The following PGM5 variants were observed in gnomAD, a reference collection of about 807,000 sequenced individuals.
PGM5 encodes the protein phosphoglucomutase-like protein 5.
PGM5 carries 23 observed loss-of-function variants against 59.2 expected under a neutral mutation model. That is an observed-to-expected ratio of 0.39 (90% CI 0.28 to 0.55). PGM5 has a LOEUF of 0.55. Among genes scored for constraint, PGM5 ranks in the 20% least tolerant of loss-of-function variants. PGM5 has a pLI of 0.66. For synonymous variants in PGM5, 214 were observed against 286.0 expected (o/e 0.75, Z 2.54); for missense variants, 574 against 748.3 (o/e 0.77, Z 2.72).
At chr9:68,499,084 C>T (rs1824527866) in intron 9 of PGM5, 143 bp from the exon 10 acceptor site, 2 of 827,222 alleles carry the variant, frequency 2.4e-6, no homozygotes, top group Non-Finnish European at 3.9e-6. Context: ...CATTACATGC[C>T]CTGTATCCAG....
chr9:68,422,456 TG>T (rs1202238244), intron 6 of PGM5, among the ~76,000 whole-genome samples: 1 of 150,246 alleles, frequency 6.7e-6, no homozygotes, highest in African/African-American at 2.5e-5. Flanking sequence ...TTTTTTGTTT[TG>T]TTTTGTTTTT....
Position 68,419,687 on chromosome 9 carries a change from GC to G in PGM5, c.1043+27219del, listed in dbSNP as rs536458618. 7.9e-5 allele frequency among the ~76,000 whole-genome samples: 12 copies of G among 152,286 alleles called. No homozygotes were observed. In the South Asian group the frequency reaches 2.5e-3, roughly 32 times the overall value. ...TGCTGTCTTTACTTAGCATTTAAAT[GC>G]CCCCAGTCTGGCAATGTCAGTTATC... On this transcript the variant is annotated intron_variant, in intron 6 of 10. Transcript: ENST00000396396.
intron 1 of PGM5, among the ~76,000 whole-genome samples, chr9:68,358,992 T>C (rs868930416): frequency 6.6e-6 from 1 of 152,192 alleles, no homozygotes; most frequent in African/African-American, 2.4e-5. Flanking sequence ...TGATGGAGAA[T>C]AACGAGCCTT....
Position 68,374,683 on chromosome 9 carries a change from A to G in PGM5, c.262-3516A>G, listed in dbSNP as rs571141793. Reference sequence around the variant, plus strand: ...TGATCCTCCTCTTTCCGCTCCTGCCACTCTTCAAGGTATTTTTTCCAGAGC... The same window carrying G: ...TGATCCTCCTCTTTCCGCTCCTGCCGCTCTTCAAGGTATTTTTTCCAGAGC... On this transcript the variant is annotated intron_variant, in intron 1 of 10. Coordinates refer to ENST00000396396, the MANE Select transcript of PGM5 (RefSeq NM_021965.4). 9.6e-3 allele frequency among the ~76,000 whole-genome samples: 1,439 copies of G among 150,574 alleles called. 11 individuals are homozygous for G. Among genetic ancestry groups the G allele is most frequent in the Non-Finnish European group, 0.016 (1,053 of 67,626 alleles).
intron 6 of PGM5, among the ~76,000 whole-genome samples, chr9:68,426,110 A>T (rs1554682680): frequency 6.6e-6 from 1 of 152,164 alleles, no homozygotes; most frequent in Non-Finnish European, 1.5e-5. Flanking sequence ...AAACTTGCAG[A>T]AGTTGCCCAG....
intron 8 of PGM5, among the ~76,000 whole-genome samples, chr9:68,480,932 G>A (rs537292676): frequency 1.3e-5 from 2 of 152,262 alleles, no homozygotes; most frequent in African/African-American, 2.4e-5. Context: ...TAACAAGAAC[G>A]AAGCCATGGG....
intron 3 of PGM5, among the ~76,000 whole-genome samples, chr9:68,387,183 T>C (rs1822243985): frequency 3.3e-5 from 5 of 152,044 alleles, no homozygotes; most frequent in African/African-American, 7.2e-5. Context: ...CATTTTTATC[T>C]TAATTTATTC....
chr9:68,478,864 A>G (rs1824146066), intron 7 of PGM5, among the ~76,000 whole-genome samples: 1 of 152,234 alleles, frequency 6.6e-6, no homozygotes, highest in African/African-American at 2.4e-5. Context: ...TTCCAGGTGG[A>G]CATATCTGTT....
intron 7 of PGM5, among the ~76,000 whole-genome samples, chr9:68,471,564 T>A (rs1324065476): frequency 6.6e-6 from 1 of 150,812 alleles, no homozygotes; most frequent in Non-Finnish European, 1.5e-5. Context: ...GAGGATTGCC[T>A]GAGGCCAGGA....
At chr9:68,465,304 A>T in intron 7 of PGM5, 96 bp downstream of exon 7, 2 of 849,342 alleles carry the variant, frequency 2.4e-6, no homozygotes, top group Middle Eastern at 2.3e-4. Flanking sequence ...ATTACAGAGG[A>T]ACAGTTAAGT....
chr9:68,504,432 C>G (rs1217648999), intron 10 of PGM5, among the ~76,000 whole-genome samples: 1 of 152,142 alleles, frequency 6.6e-6, no homozygotes, highest in Non-Finnish European at 1.5e-5. Flanking sequence ...GGAAATGGCC[C>G]CCTTCTCCCT....
chr9:68,443,606 C>T (rs1371289610), intron 6 of PGM5, among the ~76,000 whole-genome samples: 1 of 152,230 alleles, frequency 6.6e-6, no homozygotes, highest in African/African-American at 2.4e-5. Context: ...TGCTAGACCT[C>T]TTTATCAACT....
rs528148190 is a variant in PGM5, at chr9:68,358,810, G to A, written c.261+1422G>A. On this transcript the variant is annotated intron_variant, in intron 1 of 10. Transcript: ENST00000396396. ...GAAACAGGGCCAGTGGTGTTGGGGT[G>A]GGTAGTGGAATTGTGATTTTTGACT... Among the ~76,000 whole-genome samples the A allele has an allele frequency of 3.0e-3, 456 of 152,048 alleles. 4 individuals are homozygous for A. The highest frequency in any genetic ancestry group is 0.01 in the African/African-American group (429 of 41,478).
At chr9:68,521,909 C>T (rs1332055521) in intron 10 of PGM5, among the ~76,000 whole-genome samples, 1 of 152,180 alleles carries the variant, frequency 6.6e-6, no homozygotes, top group Non-Finnish European at 1.5e-5. Context: ...CTCTTGCTCT[C>T]TCCCCTTCTC....
chr9:68,489,408 A>G (rs1824350202), intron 9 of PGM5, among the ~76,000 whole-genome samples: 1 of 148,042 alleles, frequency 6.8e-6, no homozygotes. Context: ...TCTTTTTATG[A>G]CTCATCCTAA....
chr9:68,358,282 C>T (rs1249768081), intron 1 of PGM5, among the ~76,000 whole-genome samples: 13 of 152,176 alleles, frequency 8.5e-5, no homozygotes, highest in Non-Finnish European at 1.2e-4. Context: ...CCTCGGTAGT[C>T]TTCTGCAATC....
At chr9:68,386,819 A>C (rs1308360972) in intron 3 of PGM5, among the ~76,000 whole-genome samples, 7 of 151,972 alleles carry the variant, frequency 4.6e-5, no homozygotes, top group African/African-American at 9.6e-5. Context: ...TTTTTGGATT[A>C]TTGGTTACTG....
At chr9:68,466,854 A>C (rs1430478044) in intron 7 of PGM5, among the ~76,000 whole-genome samples, 1 of 152,184 alleles carries the variant, frequency 6.6e-6, no homozygotes, top group Non-Finnish European at 1.5e-5. Flanking sequence ...CCAGGGTCTT[A>C]AACTTTCCCT....
intron 6 of PGM5, among the ~76,000 whole-genome samples, chr9:68,393,293 A>G (rs1275970111): frequency 1.3e-5 from 2 of 151,204 alleles, no homozygotes; most frequent in Non-Finnish European, 2.9e-5. Flanking sequence ...ATCTCTTTCT[A>G]TACATATACA....
Sources: gnomAD v4.1 joint callset for allele counts (sites outside exome capture counted in the v4.1 genomes callset) on GRCh38, gnomAD v4.1.1 for gene constraint, MANE v1.5 for transcripts, NCBI Gene and HGNC (gene_info 2026-07-23, HGNC 2026-07-21) for gene names.